Variants in DLEC1 observed in about 807,000 individuals in gnomAD.
The protein encoded by DLEC1 is DLEC1 cilia and flagella associated protein, also known as deleted in lung and esophageal cancer protein 1.
A neutral mutation model predicts 198.1 loss-of-function variants in DLEC1; 146 were observed. The observed-to-expected ratio is 0.74, with a 90% CI of 0.64 to 0.85. The LOEUF is 0.85. Ranked by LOEUF, DLEC1 falls within the 40% of genes least tolerant of loss-of-function variation. The pLI, the probability that DLEC1 is intolerant of heterozygous loss-of-function variation, is 0.00. For synonymous variants in DLEC1, 897 were observed against 866.8 expected (o/e 1.03, Z -0.61); for missense variants, 2,233 against 2,220.0 (o/e 1.01, Z -0.12).
At chr3:38,075,549 A>C (rs1259467125) in intron 6 of DLEC1, among the ~76,000 whole-genome samples, 1 of 151,076 alleles carries the variant, frequency 6.6e-6, no homozygotes, top group South Asian at 2.1e-4. Context: ...GAAAAGAGAG[A>C]GTAGAGACAC....
intron 33 of DLEC1, among the ~76,000 whole-genome samples, chr3:38,119,513 C>T (rs1416565187): frequency 6.6e-6 from 1 of 152,062 alleles, no homozygotes; most frequent in Non-Finnish European, 1.5e-5. Flanking sequence ...TGGTTTAGGA[C>T]AGCAGTTTCT....
intron 11 of DLEC1, among the ~76,000 whole-genome samples, chr3:38,093,100 A>C (rs1197730127): frequency 3.3e-5 from 5 of 152,232 alleles, no homozygotes; most frequent in South Asian, 4.1e-4. Flanking sequence ...AGACAGTCCA[A>C]GGAGCCTTCT....
chr3:38,117,325 TCTC>T (rs1700230614), intron 31 of DLEC1, 23 bp downstream of exon 31: 1 of 1,612,458 alleles, frequency 6.2e-7, no homozygotes, highest in South Asian at 1.1e-5. Context: ...GGGTGCCCCA[TCTC>T]CTTTCATCCC....
Position 38,039,351 on chromosome 3 carries a change from G to A in DLEC1, c.126G>A (p.Lys42=), listed in dbSNP as rs1314724509. ...GCAGCCCCAGCCAGCCCACCTGGAA[G>A]TCCTCCTTGTATTCCTCCCTCGCCT... ...GSSSPSQPTW[K]SSLYSSLAYS... Residue 42 remains lysine, a synonymous_variant, in exon 1 of 37, where the codon AAG becomes AAA. Transcript: ENST00000308059. The A allele has an allele frequency of 6.2e-7, 1 of 1,614,236 alleles. No homozygotes were observed. Among genetic ancestry groups the A allele is most frequent in the Non-Finnish European group, 8.5e-7 (1 of 1,180,040 alleles).
At chr3:38,047,190 A>T (rs35523517) in intron 2 of DLEC1, among the ~76,000 whole-genome samples, 4 of 152,194 alleles carry the variant, frequency 2.6e-5, no homozygotes, top group African/African-American at 7.2e-5. Flanking sequence ...TCCTCATCAA[A>T]GCTCCATCGC....
chr3:38,112,192 G>C lies in DLEC1; in HGVS notation c.3515-18G>C. The C allele has an allele frequency of 1.9e-6, 3 of 1,614,008 alleles. No homozygotes were observed. Among genetic ancestry groups the C allele is most frequent in the Non-Finnish European group, 2.5e-6 (3 of 1,179,926 alleles). On this transcript the variant is annotated intron_variant, in intron 24 of 36. Transcript: ENST00000308059. The surrounding 1 kb of genome is among the most constrained non-coding windows in gnomAD (Gnocchi z 4.8). Reference sequence around the variant, plus strand: ...ACCCCAGGCCCGTGAATCCCCCACAGTCGCGGTTCTTTCCCAGATTTTATG... The same window carrying C: ...ACCCCAGGCCCGTGAATCCCCCACACTCGCGGTTCTTTCCCAGATTTTATG...
At chr3:38,048,012 G>T (rs1434965646) in intron 2 of DLEC1, among the ~76,000 whole-genome samples, 4 of 152,204 alleles carry the variant, frequency 2.6e-5, no homozygotes, top group Non-Finnish European at 5.9e-5. Context: ...AATGAGGTTT[G>T]TTTGGTTGTT....
At chr3:38,121,840 C>G (rs540543622) in intron 35 of DLEC1, 59 bp downstream of exon 35, 4 of 1,583,662 alleles carry the variant, frequency 2.5e-6, no homozygotes, top group Non-Finnish European at 8.6e-7. Flanking sequence ...CAAGAGAAGA[C>G]CCCCCAGGAA....
Position 38,097,142 on chromosome 3 carries a change from G to A in DLEC1, c.2341-40G>A, listed in dbSNP as rs374707230. 5.3e-6 allele frequency: 8 copies of A among 1,508,780 alleles called. No individual in the cohort carries two copies. In the African/African-American group the frequency reaches 1.1e-4, roughly 21 times the overall value. 93.5% of individuals were successfully genotyped at this position (1,508,780 alleles called of 1,614,324 possible). A position where few individuals can be genotyped will look rare whatever the true frequency, so the allele number is the denominator to read the frequency against. ...TCAGCAGGTACAGAATTGACATGAAGGGGCAGTAAATGGGCAGCCTGGTCT... is the reference window on the plus strand; with the variant it reads ...TCAGCAGGTACAGAATTGACATGAAAGGGCAGTAAATGGGCAGCCTGGTCT... On this transcript the variant is annotated intron_variant, in intron 15 of 36. Coordinates refer to ENST00000308059, the MANE Select transcript of DLEC1 (RefSeq NM_007335.4).
At chr3:38,045,751 G>T (rs1299443838) in intron 2 of DLEC1, 58 bp downstream of exon 2, 33 of 1,530,374 alleles carry the variant, frequency 2.2e-5, no homozygotes, top group Non-Finnish European at 2.8e-5. Context: ...ATATTTCACT[G>T]TGTTTGCTCC....
At chr3:38,085,195 G>A in intron 7 of DLEC1, 79 bp from the exon 8 acceptor site, 1 of 1,505,166 alleles carries the variant, frequency 6.6e-7, no homozygotes. Flanking sequence ...TGGCAGGGCT[G>A]GGGTCTGTAC....
At chr3:38,065,211 G>A (rs935888386) in intron 6 of DLEC1, among the ~76,000 whole-genome samples, 4 of 152,254 alleles carry the variant, frequency 2.6e-5, no homozygotes, top group Non-Finnish European at 4.4e-5. Context: ...GGCGGCGCAC[G>A]CCTGCAATCG....
In DLEC1 at chr3:38,062,729, G is replaced by A. The variant is rs200239580; in HGVS notation, c.1022G>A (p.Gly341Asp). Residue 341 changes from glycine to aspartate, a missense_variant, in exon 5 of 37, where the codon GGC becomes GAC. Transcript: ENST00000308059. The stretch of plus-strand genomic sequence containing the variant: ...TTTCCTCCTAACACTCGATATGGAG[G>A]CAAGTCTCTTGTTTTTCCTCCAAAG... ...RFFPPNTRYG[G>D]KSLVFPPKKP... is the part of the protein sequence containing the mutation. 2.7e-5 allele frequency: 44 copies of A among 1,614,096 alleles called. No individual in the cohort carries two copies. The Admixed American group carries it at 4.3e-4, about 16-fold the overall frequency.
chr3:38,043,956 GT>G lies in DLEC1; in HGVS notation c.412-1576del, dbSNP rs796126807. Among the ~76,000 whole-genome samples, 734 of 113,024 alleles carry G rather than the reference GT, an allele frequency of 6.5e-3. 9 individuals carry two copies. Among genetic ancestry groups the G allele is most frequent in the African/African-American group, 0.018 (669 of 38,106 alleles). 74.1% of individuals were successfully genotyped at this position (113,024 alleles called of 152,430 possible). On this transcript the variant is annotated intron_variant, in intron 1 of 36. Coordinates refer to ENST00000308059, the MANE Select transcript of DLEC1 (RefSeq NM_007335.4). ...GGAACACTGTCTTCCTACATAAACT[GT>G]TTTTTTTTTTCTTTAAAAGAAATGG...
At chr3:38,078,616 A>G (rs1214446073) in intron 6 of DLEC1, among the ~76,000 whole-genome samples, 1 of 152,176 alleles carries the variant, frequency 6.6e-6, no homozygotes, top group African/African-American at 2.4e-5. Flanking sequence ...GGCTTGACTG[A>G]AGTAATGGGG....
chr3:38,089,640 A>C (rs1698642073), intron 10 of DLEC1, among the ~76,000 whole-genome samples: 3 of 152,138 alleles, frequency 2.0e-5, no homozygotes, highest in South Asian at 4.1e-4. Context: ...GACTTGTCAC[A>C]GGCTCATCGA....
chr3:38,120,238 G>A lies in DLEC1; in HGVS notation c.4705-210G>A, dbSNP rs569606781. On this transcript the variant is annotated intron_variant, in intron 33 of 36. Coordinates refer to ENST00000308059, the MANE Select transcript of DLEC1 (RefSeq NM_007335.4). ...CCCTTCTAGCCTCTGACCTCTGAGG[G>A]CAGACATGACTTGTCCCTGACACTA... Among the ~76,000 whole-genome samples the A allele has an allele frequency of 1.7e-4, 26 of 152,308 alleles. No homozygotes were observed. The South Asian group carries it at 1.9e-3, about 11-fold the overall frequency.
intron 35 of DLEC1, 26 bp downstream of exon 35, chr3:38,121,807 A>T (rs767191674): frequency 6.2e-7 from 1 of 1,611,504 alleles, no homozygotes; most frequent in South Asian, 1.1e-5. Flanking sequence ...CCACCTACCC[A>T]CCGTTCCCCT....
In DLEC1 at chr3:38,123,909, A is replaced by C. The variant is rs1209351258; in HGVS notation, c.*1497A>C. 6.6e-6 allele frequency: 1 copy of C among 151,708 alleles called. No individual in the cohort carries two copies. The highest frequency in any genetic ancestry group is 1.5e-5 in the Non-Finnish European group (1 of 67,960). The allele number at this position is 151,708 out of a possible 1,614,324, so 9.4% of individuals were successfully genotyped here. On this transcript the variant is annotated 3_prime_UTR_variant, in exon 37 of 37. Transcript: ENST00000308059. Reference sequence around the variant, plus strand: ...CCAGATACTCGGGAGGCTGAGGCTGAGGCAGGAAAATTGCTTGAACCCAAA... The same window carrying C: ...CCAGATACTCGGGAGGCTGAGGCTGCGGCAGGAAAATTGCTTGAACCCAAA...
Sources: allele counts gnomAD v4.1 joint callset (sites outside exome capture counted in the v4.1 genomes callset), GRCh38; gene constraint gnomAD v4.1.1; non-coding constraint Gnocchi (gnomAD v3.1); transcripts MANE v1.5; gene names NCBI Gene and HGNC (gene_info 2026-07-23, HGNC 2026-07-21).